The following CBL variants were observed in gnomAD, a reference collection of about 807,000 sequenced individuals.
The protein encoded by CBL is E3 ubiquitin-protein ligase CBL.
A neutral mutation model predicts 96.9 loss-of-function variants in CBL; 45 were observed. The ratio of observed to expected loss-of-function variants is 0.46; its 90% CI spans 0.37 to 0.60. The LOEUF (loss-of-function observed/expected upper bound fraction) is 0.60, where lower values mean the gene tolerates loss of function less well. Ranked by LOEUF, CBL falls within the 20% of genes least tolerant of loss-of-function variation. The pLI, the probability that CBL is intolerant of heterozygous loss-of-function variation, is 0.00. For missense variants in CBL, 1,024 were observed against 1,143.5 expected (o/e 0.90, Z 1.51); for synonymous variants, 420 against 426.8 (o/e 0.98, Z 0.20).
chr11:119,274,519 TTGC>T, intron 4 of CBL, among the ~76,000 whole-genome samples: 1 of 152,340 alleles, frequency 6.6e-6, no homozygotes, highest in South Asian at 2.1e-4. Context: ...AACTTATTAG[TTGC>T]ACCTATAGGC....
At chr11:119,209,523 A>G (rs1038749637) in intron 1 of CBL, among the ~76,000 whole-genome samples, 4 of 152,112 alleles carry the variant, frequency 2.6e-5, no homozygotes, top group Non-Finnish European at 5.9e-5. Context: ...GGAGACTGGG[A>G]CAGGAGAATC....
chr11:119,293,601 G>A (rs1175146617), intron 12 of CBL, among the ~76,000 whole-genome samples: 4 of 151,992 alleles, frequency 2.6e-5, no homozygotes, highest in Middle Eastern at 3.2e-3. Flanking sequence ...AAAATTGCTG[G>A]CATTTCAGGT....
chr11:119,259,469 G>A (rs1369248101), intron 2 of CBL, among the ~76,000 whole-genome samples: 1 of 151,844 alleles, frequency 6.6e-6, no homozygotes, highest in Non-Finnish European at 1.5e-5. Flanking sequence ...ATATATTAGA[G>A]CCACTATGCA....
intron 2 of CBL, among the ~76,000 whole-genome samples, chr11:119,256,502 T>C (rs1399562585): frequency 6.6e-6 from 1 of 152,090 alleles, no homozygotes; most frequent in Non-Finnish European, 1.5e-5. Context: ...TTTTGAAGAT[T>C]TTTACTGATT....
At chr11:119,263,494 T>C (rs1267145042) in intron 2 of CBL, among the ~76,000 whole-genome samples, 1 of 152,144 alleles carries the variant, frequency 6.6e-6, no homozygotes, top group Non-Finnish European at 1.5e-5. Context: ...CTCTGGATGA[T>C]TAGTAGGAAT....
rs970596531 is a variant in CBL at position 119,306,173 on chromosome 11, C to T, written c.*6392C>T. 6 of 397,758 alleles carry T rather than the reference C, an allele frequency of 1.5e-5. No homozygotes were observed. Among genetic ancestry groups the T allele is most frequent in the African/African-American group, 6.2e-5 (3 of 48,564 alleles). 24.6% of individuals were successfully genotyped at this position (397,758 alleles called of 1,614,324 possible). A position where few individuals can be genotyped will look rare whatever the true frequency, so the allele number is the denominator to read the frequency against. On this transcript the variant is annotated 3_prime_UTR_variant, in exon 16 of 16. Coordinates refer to ENST00000264033, the MANE Select transcript of CBL (RefSeq NM_005188.4). The stretch of plus-strand genomic sequence containing the variant: ...TCCATGGCGAGTCAGGTGGGGAGCA[C>T]GGGTGGAAGGGCCGGCTGTTGACAG...
At chr11:119,287,205 A>T (rs1949990765) in intron 11 of CBL, among the ~76,000 whole-genome samples, 1 of 152,244 alleles carries the variant, frequency 6.6e-6, no homozygotes, top group Non-Finnish European at 1.5e-5. Flanking sequence ...AGCATGAAAT[A>T]AAGACTTGTT....
At chr11:119,299,201 A>G (rs1026915077) in intron 15 of CBL, among the ~76,000 whole-genome samples, 1 of 152,210 alleles carries the variant, frequency 6.6e-6, no homozygotes, top group African/African-American at 2.4e-5. Flanking sequence ...AAAACAGACA[A>G]TTACATGTGC....
rs1950141848 is a variant in CBL at position 119,306,435 on chromosome 11, C to T, written c.*6654C>T. ...TGCCTCTCCTACATTCTCCTTCTGC[C>T]CCTAAATCAGACAGGAGGCCAGAGA... On this transcript the variant is annotated 3_prime_UTR_variant, in exon 16 of 16. Coordinates refer to ENST00000264033, the MANE Select transcript of CBL (RefSeq NM_005188.4). 2.5e-6 allele frequency: 1 copy of T among 398,778 alleles called. No homozygotes were observed. The highest frequency in any genetic ancestry group is 4.4e-6 in the Non-Finnish European group (1 of 226,098). 24.7% of individuals were successfully genotyped at this position (398,778 alleles called of 1,614,324 possible).
chr11:119,240,940 G>T (rs945015829), intron 2 of CBL, among the ~76,000 whole-genome samples: 4 of 152,090 alleles, frequency 2.6e-5, no homozygotes, highest in Non-Finnish European at 5.9e-5. Context: ...AGGTGTGGTA[G>T]CGGGCACCTG....
Position 119,300,665 on chromosome 11 carries a change from A to C in CBL, c.*884A>C, listed in dbSNP as rs909977746. ...ATGTTTTGATTATCCTAATTACATA[A>C]TGACCGATTTGAGATAGAGGCCTTT... On this transcript the variant is annotated 3_prime_UTR_variant, in exon 16 of 16. Coordinates refer to ENST00000264033, the MANE Select transcript of CBL (RefSeq NM_005188.4). 2.5e-6 allele frequency: 1 copy of C among 398,326 alleles called. No homozygotes were observed. Among genetic ancestry groups the C allele is most frequent in the African/African-American group, 2.1e-5 (1 of 48,640 alleles). The allele number at this position is 398,326 out of a possible 1,614,324, so 24.7% of individuals were successfully genotyped here.
chr11:119,258,261 T>C (rs771840423), intron 2 of CBL, among the ~76,000 whole-genome samples: 2 of 151,938 alleles, frequency 1.3e-5, no homozygotes, highest in Non-Finnish European at 2.9e-5. Flanking sequence ...CAAAAAGACT[T>C]GAGACTGTAA....
At chr11:119,224,377 C>T (rs1035494096) in intron 1 of CBL, among the ~76,000 whole-genome samples, 2 of 151,978 alleles carry the variant, frequency 1.3e-5, no homozygotes, top group African/African-American at 4.8e-5. Context: ...CACCTCAGTC[C>T]CTGTCCCCCT....
intron 2 of CBL, among the ~76,000 whole-genome samples, chr11:119,243,715 G>T (rs1949604654): frequency 6.6e-6 from 1 of 151,902 alleles, no homozygotes; most frequent in South Asian, 2.1e-4. Context: ...CAATGAATAT[G>T]CAATTGATCA....
At chr11:119,239,280 T>A (rs1949568015) in intron 2 of CBL, among the ~76,000 whole-genome samples, 1 of 152,166 alleles carries the variant, frequency 6.6e-6, no homozygotes. Flanking sequence ...CTTACTTATA[T>A]CTTCTTTAAT....
chr11:119,305,017 G>T lies in CBL; in HGVS notation c.*5236G>T, dbSNP rs1442254516. On this transcript the variant is annotated 3_prime_UTR_variant, in exon 16 of 16. Transcript: ENST00000264033. The stretch of plus-strand genomic sequence containing the variant: ...AGTTGGCCTTGCCAGGGAGAGCAGA[G>T]ATGTGGCAGGCTCCTTCAGCTGGAG... 4 of 213,762 alleles carry T rather than the reference G, an allele frequency of 1.9e-5. No individual in the cohort carries two copies. The highest frequency in any genetic ancestry group is 3.8e-5 in the Non-Finnish European group (4 of 105,828). 13.2% of individuals were successfully genotyped at this position (213,762 alleles called of 1,614,324 possible). A position where few individuals can be genotyped will look rare whatever the true frequency, so the allele number is the denominator to read the frequency against.
rs187383919 is a variant in CBL, at chr11:119,242,531, C to A, written c.443+9836C>A. On this transcript the variant is annotated intron_variant, in intron 2 of 15. Coordinates refer to ENST00000264033, the MANE Select transcript of CBL (RefSeq NM_005188.4). ...CTAGCCTGAGTGACAGAGTGAGACTCCATCTCAAAAAAAAAAAAAAAAAAA... is the reference window on the plus strand; with the variant it reads ...CTAGCCTGAGTGACAGAGTGAGACTACATCTCAAAAAAAAAAAAAAAAAAA... Among the ~76,000 whole-genome samples, 985 of 107,370 alleles carry A rather than the reference C, an allele frequency of 9.2e-3. 9 individuals are homozygous for A. Among genetic ancestry groups the A allele is most frequent in the Non-Finnish European group, 0.015 (808 of 53,630 alleles). The allele number at this position is 107,370 out of a possible 152,430, so 70.4% of individuals were successfully genotyped here.
chr11:119,283,625 C>CTTTTTTTTTTTT lies in CBL; in HGVS notation c.1432-1325_1432-1314dup, dbSNP rs398017760. Among the ~76,000 whole-genome samples, 35 of 45,522 alleles carry CTTTTTTTTTTTT rather than the reference C, an allele frequency of 7.7e-4. 2 individuals carry two copies. The highest frequency in any genetic ancestry group is 3.4e-3 in the East Asian group (5 of 1,472). The allele number at this position is 45,522 out of a possible 152,430, so 29.9% of individuals were successfully genotyped here. A position where few individuals can be genotyped will look rare whatever the true frequency, so the allele number is the denominator to read the frequency against. ...AAATATTAATCCTTTTTAATTCTTTCTTTTTTTTTTTTTTTTTTTTTTTTT... is the reference window on the plus strand; with the variant it reads ...AAATATTAATCCTTTTTAATTCTTTCTTTTTTTTTTTTTTTTTTTTTTTTTTTTTTTTTTTTT... On this transcript the variant is annotated intron_variant, in intron 9 of 15. Coordinates refer to ENST00000264033, the MANE Select transcript of CBL (RefSeq NM_005188.4).
At chr11:119,211,882 G>C (rs894032053) in intron 1 of CBL, among the ~76,000 whole-genome samples, 3 of 152,052 alleles carry the variant, frequency 2.0e-5, no homozygotes, top group African/African-American at 7.2e-5. Context: ...TCCTGAAGTA[G>C]AGCATCTATT....
Sources: gnomAD v4.1 joint callset for allele counts (sites outside exome capture counted in the v4.1 genomes callset) on GRCh38, gnomAD v4.1.1 for gene constraint, MANE v1.5 for transcripts, NCBI Gene and HGNC (gene_info 2026-07-23, HGNC 2026-07-21) for gene names.